Variants in WDPCP observed in about 807,000 individuals in gnomAD.
WDPCP encodes the protein WD repeat-containing and planar cell polarity effector protein fritz homolog.
In WDPCP, 71 loss-of-function variants were observed where a neutral mutation model predicts 93.1. That is an observed-to-expected ratio of 0.76 (90% CI 0.63 to 0.93). The LOEUF is 0.93. Among genes scored for constraint, WDPCP ranks in the 40% least tolerant of loss-of-function variants. The probability of loss-of-function intolerance (pLI) is 0.00; values close to 1 mark genes in which losing one functional copy is unlikely to be tolerated. For missense variants in WDPCP, 844 were observed against 887.4 expected (o/e 0.95, Z 0.62); for synonymous variants, 315 against 315.0 (o/e 1.00, Z 0.00).
chr2:63,293,273 A>G (rs1057429787), intron 13 of WDPCP, among the ~76,000 whole-genome samples: 8 of 152,188 alleles, frequency 5.3e-5, no homozygotes, highest in African/African-American at 1.9e-4. Context: ...CACACATTCC[A>G]AGGGCAGGAA....
chr2:63,787,541 C>A (rs989869481), intron 2 of WDPCP, among the ~76,000 whole-genome samples: 2 of 152,116 alleles, frequency 1.3e-5, no homozygotes, highest in African/African-American at 2.4e-5. Flanking sequence ...TATGAAGAAT[C>A]AAATGTGACT....
intron 9 of WDPCP, among the ~76,000 whole-genome samples, chr2:63,426,461 G>A (rs1696304889): frequency 6.6e-6 from 1 of 152,150 alleles, no homozygotes; most frequent in Non-Finnish European, 1.5e-5. Flanking sequence ...AGCTTCATAA[G>A]TGAAGAAGAA....
intron 14 of WDPCP, among the ~76,000 whole-genome samples, chr2:63,242,686 A>G (rs895886079): frequency 6.6e-6 from 1 of 152,082 alleles, no homozygotes; most frequent in Non-Finnish European, 1.5e-5. Flanking sequence ...GCTGTCCCCA[A>G]ATGGCTTTTG....
chr2:63,328,277 C>T (rs532660518), intron 12 of WDPCP, among the ~76,000 whole-genome samples: 2 of 121,720 alleles, frequency 1.6e-5, no homozygotes, highest in South Asian at 2.8e-4. Context: ...GCAGGCCACC[C>T]GAGCCAGCAG....
chr2:63,266,707 G>A (rs1393962343), intron 13 of WDPCP, among the ~76,000 whole-genome samples: 1 of 152,158 alleles, frequency 6.6e-6, no homozygotes, highest in African/African-American at 2.4e-5. Context: ...TCAGGAGGCT[G>A]AGGCAGGAGA....
At chr2:63,346,647 T>C (rs1316684698) in intron 12 of WDPCP, among the ~76,000 whole-genome samples, 4 of 152,154 alleles carry the variant, frequency 2.6e-5, no homozygotes, top group African/African-American at 4.8e-5. Flanking sequence ...TATGAATGCA[T>C]AGCTCAGAGT....
At chr2:63,437,615 GAT>G (rs1409421228) in intron 7 of WDPCP, 61 bp from the exon 8 acceptor site, 53 of 1,435,182 alleles carry the variant, frequency 3.7e-5, no homozygotes, top group Non-Finnish European at 4.8e-5. Flanking sequence ...TTTTTCCACT[GAT>G]ATGTTACAAA....
intron 3 of WDPCP, among the ~76,000 whole-genome samples, chr2:63,627,092 G>A (rs1321482692): frequency 6.6e-6 from 1 of 151,754 alleles, no homozygotes; most frequent in African/African-American, 2.4e-5. Flanking sequence ...TAATTTTTCT[G>A]CTTTGACCTT....
chr2:63,702,754 G>T (rs1669079529), intron 2 of WDPCP, among the ~76,000 whole-genome samples: 1 of 150,012 alleles, frequency 6.7e-6, no homozygotes, highest in Admixed American at 6.6e-5. Flanking sequence ...AAGTTTTAGG[G>T]TACATGTGCA....
chr2:63,171,485 A>G (rs1673386176), intron 15 of WDPCP, among the ~76,000 whole-genome samples: 1 of 152,230 alleles, frequency 6.6e-6, no homozygotes, highest in African/African-American at 2.4e-5. Flanking sequence ...ATTAGATACC[A>G]TTCTTCACCC....
intron 17 of WDPCP, among the ~76,000 whole-genome samples, chr2:63,152,401 A>G (rs1472367601): frequency 2.6e-5 from 4 of 151,832 alleles, no homozygotes. Context: ...CAGCCTCCCA[A>G]GCAGCTGGGA....
chr2:63,131,833 C>CTT (rs55670342), intron 17 of WDPCP, among the ~76,000 whole-genome samples: 26 of 107,722 alleles, frequency 2.4e-4, no homozygotes, highest in East Asian at 2.0e-3. Flanking sequence ...ATACAGTATT[C>CTT]TTTTTTTTTT....
intron 12 of WDPCP, among the ~76,000 whole-genome samples, chr2:63,356,764 T>C (rs78857680): frequency 1.5e-3 from 225 of 152,256 alleles, no homozygotes; most frequent in African/African-American, 5.2e-3. Context: ...CTCTGGGACA[T>C]AGCTAAGGCA....
intron 1 of WDPCP, among the ~76,000 whole-genome samples, chr2:63,500,452 G>GTGTGT (rs1553412910): frequency 1.4e-3 from 32 of 22,310 alleles, no homozygotes; most frequent in African/African-American, 5.5e-3. Context: ...AAATGGTGTG[G>GTGTGT]GGGTGTGTGT....
At chr2:63,588,876 C>A (rs1231368619), upstream of WDPCP, 8 of 842,418 alleles carry the variant, frequency 9.5e-6, no homozygotes, top group African/African-American at 1.7e-5. Flanking sequence ...GAGATTGCGC[C>A]ACAACCAGGG....
intron 2 of WDPCP, among the ~76,000 whole-genome samples, chr2:63,707,819 TTC>T (rs550634763): frequency 5.6e-4 from 85 of 152,322 alleles, no homozygotes; most frequent in African/African-American, 2.0e-3. Context: ...TGGATGTGCT[TTC>T]TGTTTGTTAG....
chr2:63,708,530 C>A (rs1254801208), intron 2 of WDPCP, among the ~76,000 whole-genome samples: 1 of 152,210 alleles, frequency 6.6e-6, no homozygotes, highest in African/African-American at 2.4e-5. Context: ...TCTGTCACCC[C>A]TTTCTTTGAC....
At chr2:63,314,755 C>T (rs948072719) in intron 12 of WDPCP, among the ~76,000 whole-genome samples, 1 of 151,656 alleles carries the variant, frequency 6.6e-6, no homozygotes, top group African/African-American at 2.4e-5. Context: ...TATCAATTAT[C>T]AGTGGCTTAC....
At chr2:63,215,457 G>C (rs1220616658) in intron 14 of WDPCP, among the ~76,000 whole-genome samples, 3 of 152,174 alleles carry the variant, frequency 2.0e-5, no homozygotes, top group Non-Finnish European at 4.4e-5. Flanking sequence ...AAGAAATGGG[G>C]AAAGGATTCC....
Sources: allele counts gnomAD v4.1 joint callset (sites outside exome capture counted in the v4.1 genomes callset), GRCh38; gene constraint gnomAD v4.1.1; transcripts MANE v1.5; gene names NCBI Gene and HGNC (gene_info 2026-07-23, HGNC 2026-07-21).